Variants in RFX7 observed in about 807,000 individuals in gnomAD.
RFX7 encodes the protein regulatory factor X7.
In RFX7, 26 loss-of-function variants were observed where a neutral mutation model predicts 111.8. The observed-to-expected ratio is 0.23, with a 90% CI of 0.17 to 0.32. The LOEUF is 0.32. RFX7 is among the 10% of genes least tolerant of loss of function. The pLI is 1.00. For missense variants in RFX7, 1,573 were observed against 1,772.9 expected (o/e 0.89, Z 2.02); for synonymous variants, 624 against 624.4 (o/e 1.00, Z 0.01).
At chr15:56,195,474 A>T (rs1407561520) in intron 2 of RFX7, among the ~76,000 whole-genome samples, 1 of 152,186 alleles carries the variant, frequency 6.6e-6, no homozygotes, top group Non-Finnish European at 1.5e-5. Flanking sequence ...CTAGTGCCTA[A>T]TCAACAGATT....
intron 5 of RFX7, among the ~76,000 whole-genome samples, chr15:56,141,284 G>T (rs529570028): frequency 2.5e-4 from 38 of 151,668 alleles, no homozygotes; most frequent in African/African-American, 8.7e-4. Context: ...GGGGGTGGGG[G>T]TGGGAGTGGG....
At chr15:56,245,053 T>A (rs1228837630), upstream of RFX7, among the ~76,000 whole-genome samples, 3 of 152,148 alleles carry the variant, frequency 2.0e-5, no homozygotes, top group South Asian at 6.2e-4. Context: ...TGATAGAGTG[T>A]CTATCAGGTT....
chr15:56,187,672 C>T (rs2043056316), intron 2 of RFX7, among the ~76,000 whole-genome samples: 1 of 152,102 alleles, frequency 6.6e-6, no homozygotes, highest in African/African-American at 2.4e-5. Flanking sequence ...ATGAACTACG[C>T]CCAGTATTTG....
chr15:56,165,928 G>T (rs1190543588), intron 3 of RFX7, among the ~76,000 whole-genome samples: 1 of 152,118 alleles, frequency 6.6e-6, no homozygotes, highest in Non-Finnish European at 1.5e-5. Flanking sequence ...ATAGGACAGG[G>T]TCTCATTCTG....
intron 2 of RFX7, among the ~76,000 whole-genome samples, chr15:56,218,330 C>T (rs1376854208): frequency 1.3e-5 from 2 of 151,836 alleles, no homozygotes; most frequent in African/African-American, 4.8e-5. Flanking sequence ...TGGGGTTACA[C>T]CACGTTGGCC....
In RFX7 at chr15:56,095,487, T is replaced by G; in HGVS notation, c.2241A>C (p.Gln747His). The G allele has an allele frequency of 1.9e-6, 3 of 1,612,762 alleles. No homozygotes were observed. Among genetic ancestry groups the G allele is most frequent in the South Asian group, 1.1e-5 (1 of 91,080 alleles). Residue 747 changes from glutamine (Q) to histidine (H), a missense_variant, in exon 10 of 10, where the codon CAA (glutamine) becomes CAC (histidine). Around this residue, in one of 7 missense-constraint regions of RFX7, gnomAD observed 625 missense variants for 632.2 expected, o/e 0.99. Coordinates refer to ENST00000559447, the MANE Select transcript of RFX7 (RefSeq NM_022841.7). ...LVISDSALEQ[Q>H]TTPSSSPDIK... ...TATCTGGAGATGATGATGGGGTTGT[T>G]TGCTGTTCCAAAGCTGAATCACTGA... is the stretch of plus-strand genomic sequence containing the variant.
intron 5 of RFX7, among the ~76,000 whole-genome samples, chr15:56,110,388 G>A (rs1477141694): frequency 2.9e-5 from 3 of 102,798 alleles, no homozygotes; most frequent in Admixed American, 1.0e-4. Flanking sequence ...TCAGCCCCCC[G>A]CCCGGCCAGC....
intron 2 of RFX7, among the ~76,000 whole-genome samples, chr15:56,184,019 A>T (rs1174466082): frequency 3.4e-5 from 5 of 147,888 alleles, no homozygotes; most frequent in African/African-American, 1.3e-4. Flanking sequence ...AACAGCATGT[A>T]GTTGTTTTTT....
intron 2 of RFX7, among the ~76,000 whole-genome samples, chr15:56,229,418 A>G (rs1252398569): frequency 1.3e-5 from 2 of 152,094 alleles, no homozygotes; most frequent in African/African-American, 4.8e-5. Context: ...GGTGCTCGCC[A>G]CCACGCCTGG....
chr15:56,150,290 G>A (rs1389117019), intron 3 of RFX7, among the ~76,000 whole-genome samples: 2 of 152,180 alleles, frequency 1.3e-5, no homozygotes, highest in Admixed American at 1.3e-4. Context: ...AGAACTCCCA[G>A]TGCAGCGTTC....
At chr15:56,234,180 A>AT (rs2043598219) in intron 2 of RFX7, among the ~76,000 whole-genome samples, 1 of 152,218 alleles carries the variant, frequency 6.6e-6, no homozygotes, top group Non-Finnish European at 1.5e-5. Context: ...ACCACTGCTT[A>AT]TACGCCATTA....
Position 56,183,879 on chromosome 15 carries a change from T to C in RFX7, c.162-4576A>G, listed in dbSNP as rs369718078. On this transcript the variant is annotated intron_variant, in intron 2 of 9. Coordinates refer to ENST00000559447, the MANE Select transcript of RFX7 (RefSeq NM_022841.7). ...TCATTTCCTTTCTGAATAAATCTTTTGTTAGAAAGAGTACAAGGCAACTTA... is the reference window on the plus strand; with the variant it reads ...TCATTTCCTTTCTGAATAAATCTTTCGTTAGAAAGAGTACAAGGCAACTTA... 1.3e-3 allele frequency among the ~76,000 whole-genome samples: 201 copies of C among 152,352 alleles called. 1 individual carries two copies. Among genetic ancestry groups the C allele is most frequent in the African/African-American group, 4.8e-3 (199 of 41,576 alleles).
At chr15:56,115,012 A>G in intron 5 of RFX7, among the ~76,000 whole-genome samples, 1 of 151,776 alleles carries the variant, frequency 6.6e-6, no homozygotes, top group South Asian at 2.1e-4. Flanking sequence ...TTCTTTTTTT[A>G]TTTTTATTTT....
intron 3 of RFX7, among the ~76,000 whole-genome samples, chr15:56,158,164 T>G (rs539862672): frequency 6.6e-6 from 1 of 152,286 alleles, no homozygotes; most frequent in East Asian, 1.9e-4. Flanking sequence ...AATTGATGTC[T>G]ATATCAAGCA....
chr15:56,160,508 G>C (rs567944480), intron 3 of RFX7, among the ~76,000 whole-genome samples: 1 of 152,058 alleles, frequency 6.6e-6, no homozygotes, highest in Non-Finnish European at 1.5e-5. Context: ...GTCTGCCCTT[G>C]ATTTAAGCTT....
chr15:56,114,373 T>C (rs1354004823), intron 5 of RFX7, among the ~76,000 whole-genome samples: 1 of 141,050 alleles, frequency 7.1e-6, no homozygotes, highest in East Asian at 2.2e-4. Context: ...ATCACGCCAC[T>C]GCACTCCAGC....
intron 2 of RFX7, among the ~76,000 whole-genome samples, chr15:56,209,117 C>T (rs1348932533): frequency 6.6e-6 from 1 of 151,854 alleles, no homozygotes; most frequent in Admixed American, 6.6e-5. Context: ...AAAAACTATA[C>T]TTAGGCATAT....
At chr15:56,136,110 G>T (rs2042298705) in intron 5 of RFX7, among the ~76,000 whole-genome samples, 1 of 152,058 alleles carries the variant, frequency 6.6e-6, no homozygotes, top group African/African-American at 2.4e-5. Flanking sequence ...CTCTTTTTTG[G>T]TTCCGTATGA....
chr15:56,218,223 C>T (rs987727627), intron 2 of RFX7, among the ~76,000 whole-genome samples: 11 of 120,732 alleles, frequency 9.1e-5, no homozygotes, highest in Admixed American at 2.4e-4. Flanking sequence ...GGCGCGTTCT[C>T]GGCTCACTGC....
Sources: allele counts gnomAD v4.1 joint callset (sites outside exome capture counted in the v4.1 genomes callset), GRCh38; gene constraint gnomAD v4.1.1; regional missense constraint gnomAD v4.1.1; transcripts MANE v1.5; gene names NCBI Gene and HGNC (gene_info 2026-07-23, HGNC 2026-07-21).